COL6A6: variants seen among roughly 807,000 people sequenced by gnomAD.
COL6A6 encodes the protein collagen type VI alpha 6 chain.
COL6A6 carries 183 observed loss-of-function variants against 208.6 expected under a neutral mutation model. That is an observed-to-expected ratio of 0.88 (90% CI 0.78 to 0.99). The LOEUF is 0.99. COL6A6 is among the 50% of genes least tolerant of loss of function. The pLI, the probability that COL6A6 is intolerant of heterozygous loss-of-function variation, is 0.00. For synonymous variants in COL6A6, 973 were observed against 1,011.8 expected (o/e 0.96, Z 0.73); for missense variants, 2,816 against 2,815.2 (o/e 1.00, Z -0.01).
chr3:130,592,656 C>T (rs759748051), intron 14 of COL6A6, 40 bp from the exon 15 acceptor site: 1 of 1,612,144 alleles, frequency 6.2e-7, no homozygotes, highest in South Asian at 1.1e-5. Context: ...ATATTAATTA[C>T]ATTTTCCTAC....
At chr3:130,626,920 T>G (rs1263810555) in intron 25 of COL6A6, among the ~76,000 whole-genome samples, 1 of 152,190 alleles carries the variant, frequency 6.6e-6, no homozygotes, top group Admixed American at 6.5e-5. Context: ...TAGCCAATAC[T>G]GGGGCATTTA....
At chr3:130,572,617 C>T (rs999602085) in intron 7 of COL6A6, among the ~76,000 whole-genome samples, 2 of 152,164 alleles carry the variant, frequency 1.3e-5, no homozygotes, top group African/African-American at 4.8e-5. Context: ...TAGCCATTGT[C>T]TAAAATTGGA....
At chr3:130,617,898 C>A (rs1460273994) in intron 23 of COL6A6, among the ~76,000 whole-genome samples, 6 of 152,162 alleles carry the variant, frequency 3.9e-5, no homozygotes, top group Non-Finnish European at 8.8e-5. Context: ...CAAGTGCAAT[C>A]TCTTCTGATA....
At chr3:130,566,455 C>T (rs1488280042) in intron 4 of COL6A6, among the ~76,000 whole-genome samples, 3 of 152,192 alleles carry the variant, frequency 2.0e-5, no homozygotes, top group Admixed American at 2.0e-4. Flanking sequence ...TTTAAATCTC[C>T]TACCATATTC....
chr3:130,576,107 G>A (rs753775888), intron 8 of COL6A6, among the ~76,000 whole-genome samples: 5 of 152,090 alleles, frequency 3.3e-5, no homozygotes, highest in Admixed American at 1.3e-4. Flanking sequence ...ATAACATATC[G>A]ATTGCCCTAA....
Position 130,661,626 on chromosome 3 carries a change from T to G in COL6A6, c.5831-11T>G, listed in dbSNP as rs1559798903. ...TCTACTTAGTAACCCAGAGTAACTT[T>G]TGGTTCACAGATGTGTGCAAGCCAG... is the stretch of plus-strand genomic sequence containing the variant. On this transcript the variant is annotated splice_polypyrimidine_tract_variant and intron_variant, in intron 34 of 36. Transcript: ENST00000358511. 4 of 1,582,030 alleles carry G rather than the reference T, an allele frequency of 2.5e-6. No homozygotes were observed. The highest frequency in any genetic ancestry group is 3.4e-6 in the Non-Finnish European group (4 of 1,164,534).
chr3:130,649,358 C>A lies in COL6A6; in HGVS notation c.5529C>A (p.Gly1843=). The part of the protein sequence containing the change: ...YERSSASREI[G]RAMRFISRNV... ...GATCCTCTGCCAGCAGGGAGATTGGCAGAGCAATGCGGTTTATTTCCAGGA... is the reference window on the plus strand; with the variant it reads ...GATCCTCTGCCAGCAGGGAGATTGGAAGAGCAATGCGGTTTATTTCCAGGA... The change falls in exon 33 of 37, where the codon GGC becomes GGA. Residue 1843 remains glycine (G), a synonymous_variant. Transcript: ENST00000358511. 1 of 1,611,280 alleles carries A rather than the reference C, an allele frequency of 6.2e-7. No homozygotes were observed. Among genetic ancestry groups the A allele is most frequent in the South Asian group, 1.1e-5 (1 of 90,230 alleles).
Position 130,658,754 on chromosome 3 carries a change from C to T in COL6A6, c.5812C>T (p.Arg1938Trp), listed in dbSNP as rs767894123. 14 of 1,611,766 alleles carry T rather than the reference C, an allele frequency of 8.7e-6. No homozygotes were observed. The South Asian group carries it at 9.9e-5, about 11-fold the overall frequency. The change falls in exon 34 of 37, where the codon CGG (arginine) becomes TGG (tryptophan). Residue 1938 changes from arginine (R) to tryptophan (W), a missense_variant. Physicochemically the swap from Arg to Trp is moderately radical, Grantham distance 101. Coordinates refer to ENST00000358511, the MANE Select transcript of COL6A6 (RefSeq NM_001102608.3). ...CATACCAGCATTAGAGAGACTCCAGCGGTGCACTTTCTGCTATGGTAAGAC... is the reference window on the plus strand; with the variant it reads ...CATACCAGCATTAGAGAGACTCCAGTGGTGCACTTTCTGCTATGGTAAGAC... ...DYIPALERLQ[R>W]CTFCYDVCKP...
At chr3:130,654,179 G>A (rs938418172) in intron 33 of COL6A6, among the ~76,000 whole-genome samples, 11 of 152,216 alleles carry the variant, frequency 7.2e-5, no homozygotes, top group Non-Finnish European at 1.3e-4. Context: ...TTTGGGGAGA[G>A]CAAAACTTAA....
intron 24 of COL6A6, among the ~76,000 whole-genome samples, chr3:130,622,264 A>G (rs2064748960): frequency 7.3e-6 from 1 of 137,760 alleles, no homozygotes; most frequent in Non-Finnish European, 1.5e-5. Flanking sequence ...GCACCTTTTA[A>G]GACCAAGGCA....
intron 17 of COL6A6, among the ~76,000 whole-genome samples, chr3:130,593,485 T>C (rs1165487212): frequency 6.6e-6 from 1 of 152,152 alleles, no homozygotes. Context: ...CATCTGTCAC[T>C]TACCCTCCTG....
In COL6A6 at chr3:130,534,230, C is replaced by G. The variant is rs145117575; in HGVS notation, c.-32+16833C>G. 3.7e-3 allele frequency among the ~76,000 whole-genome samples: 568 copies of G among 152,188 alleles called. 2 individuals are homozygous for G. Among genetic ancestry groups the G allele is most frequent in the Non-Finnish European group, 4.5e-3 (303 of 67,986 alleles). On this transcript the variant is annotated intron_variant, in intron 1 of 36. Transcript: ENST00000358511. ...CCAGTCTAATAGGAAGGAAATGGAA[C>G]CTCACTGTTTTAATATGCATTTCCC...
chr3:130,646,209 G>T (rs546536098), intron 32 of COL6A6, among the ~76,000 whole-genome samples: 2 of 152,178 alleles, frequency 1.3e-5, no homozygotes, highest in Admixed American at 6.5e-5. Flanking sequence ...TAATGTAAGG[G>T]GGGGAGATGT....
chr3:130,602,929 A>T (rs536994055), intron 20 of COL6A6, among the ~76,000 whole-genome samples: 5 of 152,218 alleles, frequency 3.3e-5, no homozygotes, highest in Admixed American at 2.0e-4. Context: ...TCTTTGAGAA[A>T]GTAGAAAAAT....
chr3:130,618,194 A>G (rs1223125055), intron 23 of COL6A6, among the ~76,000 whole-genome samples: 1 of 152,210 alleles, frequency 6.6e-6, no homozygotes, highest in Non-Finnish European at 1.5e-5. Context: ...AGCAGCAGGC[A>G]TAGTGGCTGG....
chr3:130,575,004 T>C (rs2063259941), intron 8 of COL6A6, among the ~76,000 whole-genome samples: 2 of 152,214 alleles, frequency 1.3e-5, no homozygotes, highest in South Asian at 4.1e-4. Flanking sequence ...TTCTTTACAA[T>C]TAGTGCATTT....
intron 1 of COL6A6, among the ~76,000 whole-genome samples, chr3:130,538,798 C>T (rs2062285467): frequency 6.6e-6 from 1 of 152,114 alleles, no homozygotes; most frequent in African/African-American, 2.4e-5. Flanking sequence ...CTGCCTGTGC[C>T]TCGAATTTGT....
At chr3:130,579,568 G>A (rs1294355463) in intron 8 of COL6A6, among the ~76,000 whole-genome samples, 1 of 152,166 alleles carries the variant, frequency 6.6e-6, no homozygotes, top group Non-Finnish European at 1.5e-5. Context: ...AGCCAGTCCT[G>A]CCAATTACCT....
intron 1 of COL6A6, among the ~76,000 whole-genome samples, chr3:130,533,834 T>C (rs1184738497): frequency 6.6e-6 from 1 of 152,238 alleles, no homozygotes; most frequent in Non-Finnish European, 1.5e-5. Flanking sequence ...CATGTCAACC[T>C]ACAACTAGTT....
Sources: gnomAD v4.1 joint callset for allele counts (sites outside exome capture counted in the v4.1 genomes callset) on GRCh38, gnomAD v4.1.1 for gene constraint, MANE v1.5 for transcripts, NCBI Gene and HGNC (gene_info 2026-07-23, HGNC 2026-07-21) for gene names.